ADGRA1: variants seen among roughly 807,000 people sequenced by gnomAD.
The protein encoded by ADGRA1 is G-protein coupled receptor 123.
In ADGRA1, 12 loss-of-function variants were observed where a neutral mutation model predicts 21.3. The ratio of observed to expected loss-of-function variants is 0.56; its 90% CI spans 0.36 to 0.91. The LOEUF (loss-of-function observed/expected upper bound fraction) is 0.91. ADGRA1 is among the 40% of genes least tolerant of loss of function. The probability of loss-of-function intolerance (pLI) is 0.01; values close to 1 mark genes in which losing one functional copy is unlikely to be tolerated. For missense variants in ADGRA1, 790 were observed against 805.6 expected, an observed-to-expected ratio of 0.98 and a Z score of 0.23; for synonymous variants, 385 against 368.8, an observed-to-expected ratio of 1.04 and a Z score of -0.50.
intron 2 of ADGRA1, among the ~76,000 whole-genome samples, chr10:133,091,380 G>A (rs1477350331): frequency 6.6e-6 from 1 of 152,148 alleles, no homozygotes; most frequent in Non-Finnish European, 1.5e-5. Context: ...CAGTGTGGTT[G>A]CTGTGGGATA....
At chr10:133,112,396 G>T (rs1259223313) in intron 5 of ADGRA1, among the ~76,000 whole-genome samples, 4 of 140,482 alleles carry the variant, frequency 2.8e-5, no homozygotes, top group African/African-American at 1.2e-4. Flanking sequence ...GGGTCTACGG[G>T]CCGCGTCCGT....
rs532715362 is a variant in ADGRA1, at chr10:133,088,859, C to A, written c.-51C>A. The A allele has an allele frequency of 3.2e-5, 40 of 1,237,558 alleles. No individual in the cohort carries two copies. In the South Asian group the frequency reaches 1.5e-3, roughly 46 times the overall value. 76.7% of individuals were successfully genotyped at this position (1,237,558 alleles called of 1,614,324 possible). A position where few individuals can be genotyped will look rare whatever the true frequency, so the allele number is the denominator to read the frequency against. ...GCAGGGCGCCACCTGATCGCCTCCCCCTGGACGCCTCCTCCAGCGGCGCTC... is the reference window on the plus strand; with the variant it reads ...GCAGGGCGCCACCTGATCGCCTCCCACTGGACGCCTCCTCCAGCGGCGCTC... On this transcript the variant is annotated 5_prime_UTR_variant, in exon 2 of 7. Coordinates refer to ENST00000392607, the MANE Select transcript of ADGRA1 (RefSeq NM_001083909.3).
chr10:133,101,074 C>T (rs1851784595), intron 4 of ADGRA1, among the ~76,000 whole-genome samples: 1 of 152,242 alleles, frequency 6.6e-6, no homozygotes, highest in African/African-American at 2.4e-5. Context: ...TTCCGCATTC[C>T]CGCCTCCGGG....
intron 2 of ADGRA1, among the ~76,000 whole-genome samples, chr10:133,091,441 CA>C (rs1215665676): frequency 6.6e-6 from 1 of 152,230 alleles, no homozygotes; most frequent in African/African-American, 2.4e-5. Context: ...TTTCATTCCA[CA>C]ATTGCAATAT....
At chr10:133,108,382 A>G (rs1209317923) in intron 5 of ADGRA1, among the ~76,000 whole-genome samples, 2 of 152,196 alleles carry the variant, frequency 1.3e-5, no homozygotes, top group Non-Finnish European at 2.9e-5. Context: ...CGAGGAGTCC[A>G]TGGACTCTTG....
At position 133,097,071 on chromosome 10, in the gene ADGRA1, C is replaced by A; in HGVS notation, c.101C>A (p.Ala34Asp). 6.2e-7 allele frequency: 1 copy of A among 1,608,190 alleles called. No individual in the cohort carries two copies. Among genetic ancestry groups the A allele is most frequent in the Non-Finnish European group, 8.5e-7 (1 of 1,179,992 alleles). Residue 34 changes from alanine to aspartate, a missense_variant, in exon 3 of 7, where the codon GCC becomes GAC. This residue lies in a region of ADGRA1 where 382 missense variants were observed against 415.6 expected (regional missense o/e 0.92). Coordinates refer to ENST00000392607, the MANE Select transcript of ADGRA1 (RefSeq NM_001083909.3). The part of the protein sequence containing the change: ...CTAVMLLCLL[A>D]SFVTYIVHQS... ...GCCGTCATGCTGCTCTGCCTCCTGG[C>A]CTCCTTCGTCACCTACATCGTGCAC...
intron 2 of ADGRA1, among the ~76,000 whole-genome samples, chr10:133,090,855 G>A (rs1198751439): frequency 6.6e-6 from 1 of 152,222 alleles, no homozygotes; most frequent in African/African-American, 2.4e-5. Flanking sequence ...CCTGGATTCT[G>A]AGCTGCTGTC....
At position 133,131,485 on chromosome 10, in the gene ADGRA1, G is replaced by T. The variant is rs551375726; in HGVS notation, c.*1974G>T. On this transcript the variant is annotated 3_prime_UTR_variant, in exon 7 of 7. Coordinates refer to ENST00000392607, the MANE Select transcript of ADGRA1 (RefSeq NM_001083909.3). Reference sequence around the variant, plus strand: ...CGTGTGTTTTTCTCACCCTCGATGGGGTAGAGGGGCACCTGAATGTGTGGC... The same window carrying T: ...CGTGTGTTTTTCTCACCCTCGATGGTGTAGAGGGGCACCTGAATGTGTGGC... 6.6e-6 allele frequency: 1 copy of T among 152,396 alleles called. No individual in the cohort carries two copies. Among genetic ancestry groups the T allele is most frequent in the African/African-American group, 2.4e-5 (1 of 41,446 alleles). 9.4% of individuals were successfully genotyped at this position (152,396 alleles called of 1,614,324 possible). A position where few individuals can be genotyped will look rare whatever the true frequency, so the allele number is the denominator to read the frequency against.
rs533613610 is a variant in ADGRA1 at position 133,130,370 on chromosome 10, G to C, written c.*859G>C. The C allele has an allele frequency of 6.6e-6, 1 of 152,378 alleles. No homozygotes were observed. The highest frequency in any genetic ancestry group is 2.4e-5 in the African/African-American group (1 of 41,586). The allele number at this position is 152,378 out of a possible 1,614,324, so 9.4% of individuals were successfully genotyped here. On this transcript the variant is annotated 3_prime_UTR_variant, in exon 7 of 7. Transcript: ENST00000392607. The stretch of plus-strand genomic sequence containing the variant: ...ACCGCTGGGACTGGATTCCACTCCA[G>C]TATAGGCACTTAGCAACACGAAGGT...
chr10:133,111,932 T>TCCCTCCTAATCCCCCCA (rs1564849639), intron 5 of ADGRA1, among the ~76,000 whole-genome samples: 5 of 12,220 alleles, frequency 4.1e-4, no homozygotes, highest in Admixed American at 9.4e-4. Context: ...CTGCCCGCCG[T>TCCCTCCTAATCCCCCCA]GAGCACCTCC....
Position 133,088,052 on chromosome 10 carries a change from A to T in ADGRA1, c.-289A>T. On this transcript the variant is annotated 5_prime_UTR_variant, in exon 1 of 7. Coordinates refer to ENST00000392607, the MANE Select transcript of ADGRA1 (RefSeq NM_001083909.3). ...GCTCGGCCGCTGCCCTCGCGAATGGAGAGCGGGTCCCCGGCGGGGGGAGCG... is the reference window on the plus strand; with the variant it reads ...GCTCGGCCGCTGCCCTCGCGAATGGTGAGCGGGTCCCCGGCGGGGGGAGCG... The T allele has an allele frequency of 1.4e-5, 14 of 985,048 alleles. No individual in the cohort carries two copies. The highest frequency in any genetic ancestry group is 1.4e-5 in the Non-Finnish European group (12 of 829,812). 61.0% of individuals were successfully genotyped at this position (985,048 alleles called of 1,614,324 possible).
intron 5 of ADGRA1, among the ~76,000 whole-genome samples, chr10:133,111,721 A>G (rs1020696910): frequency 1.6e-5 from 1 of 61,132 alleles, no homozygotes; most frequent in Non-Finnish European, 2.6e-5. Context: ...CCTGCCCGCC[A>G]CGGGCACCTC....
At chr10:133,108,255 C>T (rs759142839) in intron 5 of ADGRA1, among the ~76,000 whole-genome samples, 4 of 152,232 alleles carry the variant, frequency 2.6e-5, no homozygotes, top group Admixed American at 1.3e-4. Context: ...AGCTCTGCCT[C>T]GGGGCCTCCT....
At chr10:133,119,240 C>T (rs929736357) in intron 5 of ADGRA1, among the ~76,000 whole-genome samples, 4 of 133,894 alleles carry the variant, frequency 3.0e-5, no homozygotes, top group Non-Finnish European at 4.7e-5. Flanking sequence ...GCGGACCTTA[C>T]AGCCACTGGT....
intron 5 of ADGRA1, among the ~76,000 whole-genome samples, chr10:133,108,130 G>A (rs1408481524): frequency 6.6e-6 from 1 of 152,212 alleles, no homozygotes; most frequent in Non-Finnish European, 1.5e-5. Flanking sequence ...CCTGGACCAG[G>A]CATCACACAG....
chr10:133,092,002 C>T (rs1296541809), intron 2 of ADGRA1, among the ~76,000 whole-genome samples: 1 of 152,174 alleles, frequency 6.6e-6, no homozygotes, highest in Admixed American at 6.5e-5. Context: ...GAACCAGGAT[C>T]GGGTCCTGGC....
chr10:133,112,775 C>T (rs1852078117), intron 5 of ADGRA1, among the ~76,000 whole-genome samples: 1 of 136,346 alleles, frequency 7.3e-6, no homozygotes, highest in Non-Finnish European at 1.6e-5. Context: ...GGTCTGTAAG[C>T]TATGTCGGTT....
intron 5 of ADGRA1, among the ~76,000 whole-genome samples, chr10:133,118,113 G>A (rs985675568): frequency 3.3e-5 from 5 of 152,156 alleles, no homozygotes; most frequent in African/African-American, 1.2e-4. Flanking sequence ...GCTTCCAGAT[G>A]ATTCTCTGGT....
At chr10:133,105,684 C>A (rs1284598079) in intron 5 of ADGRA1, among the ~76,000 whole-genome samples, 1 of 152,226 alleles carries the variant, frequency 6.6e-6, no homozygotes, top group African/African-American at 2.4e-5. Context: ...CTCCACAAGA[C>A]AGCCTGGTCA....
Sources: allele counts gnomAD v4.1 joint callset (sites outside exome capture counted in the v4.1 genomes callset), GRCh38; gene constraint gnomAD v4.1.1; regional missense constraint gnomAD v4.1.1; transcripts MANE v1.5; gene names NCBI Gene and HGNC (gene_info 2026-07-23, HGNC 2026-07-21).